Variants in SOX5 observed in about 807,000 individuals in gnomAD.
SOX5 encodes transcription factor SOX-5.
A neutral mutation model predicts 92.0 loss-of-function variants in SOX5; 9 were observed. The observed-to-expected ratio is 0.10, with a 90% CI of 0.06 to 0.17. The LOEUF (loss-of-function observed/expected upper bound fraction) is 0.17, where lower values mean the gene tolerates loss of function less well. SOX5 is among the 10% of genes least tolerant of loss of function. The pLI, the probability that SOX5 is intolerant of heterozygous loss-of-function variation, is 1.00. For missense variants in SOX5, 642 were observed against 944.5 expected (o/e 0.68, Z 4.20); for synonymous variants, 344 against 336.3 (o/e 1.02, Z -0.25).
At chr12:24,071,609 A>AT (rs1941794214) in intron 4 of SOX5, among the ~76,000 whole-genome samples, 1 of 151,702 alleles carries the variant, frequency 6.6e-6, no homozygotes, top group Non-Finnish European at 1.5e-5. Flanking sequence ...AATTTTTCAT[A>AT]GTTTTTAGTA....
chr12:23,640,840 G>A lies in SOX5; in HGVS notation c.989C>T (p.Thr330Ile). The A allele has an allele frequency of 1.2e-6, 2 of 1,613,944 alleles. No homozygotes were observed. The highest frequency in any genetic ancestry group is 1.7e-6 in the Non-Finnish European group (2 of 1,179,804). The part of the protein sequence containing the change: ...PTTMAAAAAA[T>I]PGLGPLQLQQ... Reference sequence around the variant, plus strand: ...CAGTTGGAGTGGGCCTAAGCCTGGTGTTGCTGCGGCAGCAGCTGCCATGGT... The same window carrying A: ...CAGTTGGAGTGGGCCTAAGCCTGGTATTGCTGCGGCAGCAGCTGCCATGGT... Residue 330 changes from threonine to isoleucine, a missense_variant, in exon 8 of 15, where the codon ACA becomes ATA. Coordinates refer to ENST00000451604, the MANE Select transcript of SOX5 (RefSeq NM_006940.6).
intron 3 of SOX5, among the ~76,000 whole-genome samples, chr12:23,769,558 TACAA>T (rs1468362734): frequency 1.3e-5 from 2 of 152,122 alleles, no homozygotes; most frequent in African/African-American, 4.8e-5. Flanking sequence ...TTTACTAAAT[TACAA>T]ACAGTGACCT....
rs534800084 is a variant in SOX5 at position 24,362,433 on chromosome 12, G to A, written c.-174+6130C>T. ...TACTGGTCTTGTATTTTCAGTCACC[G>A]TAACAGCCTATTTGGACTGACTTCA... On this transcript the variant is annotated intron_variant, in intron 2 of 4. Transcript: ENST00000446891. 4.3e-4 allele frequency among the ~76,000 whole-genome samples: 66 copies of A among 152,292 alleles called. No individual in the cohort carries two copies. The South Asian group carries it at 0.012, about 27-fold the overall frequency.
Position 23,970,841 on chromosome 12 carries a change from A to ATATATATATATTTTT in SOX5, c.-1-74818_-1-74817insAAAAATATATATATA. On this transcript the variant is annotated intron_variant, in intron 4 of 4. Coordinates refer to the SOX5 transcript ENST00000446891. The stretch of plus-strand genomic sequence containing the variant: ...ACATGGGACTTTATATATATATATA[A>ATATATATATATTTTT]TTTTTTTTTTTTTTTAAGAAATGGG... Among the ~76,000 whole-genome samples the ATATATATATATTTTT allele has an allele frequency of 2.3e-4, 5 of 21,882 alleles. 1 individual carries two copies. The highest frequency in any genetic ancestry group is 1.7e-3 in the East Asian group (2 of 1,156). 14.4% of individuals were successfully genotyped at this position (21,882 alleles called of 152,430 possible).
intron 4 of SOX5, among the ~76,000 whole-genome samples, chr12:24,159,984 T>A (rs1407681139): frequency 6.6e-6 from 1 of 151,898 alleles, no homozygotes; most frequent in African/African-American, 2.4e-5. Flanking sequence ...AAATTAAAGT[T>A]CAATACAAAT....
chr12:24,015,185 C>G (rs1953452643), intron 4 of SOX5, among the ~76,000 whole-genome samples: 1 of 151,976 alleles, frequency 6.6e-6, no homozygotes, highest in Admixed American at 6.6e-5. Context: ...TGTATTGTTC[C>G]TCGCAGATGG....
intron 6 of SOX5, among the ~76,000 whole-genome samples, chr12:23,695,830 A>C (rs1412042689): frequency 6.6e-6 from 1 of 151,104 alleles, no homozygotes; most frequent in Admixed American, 6.6e-5. Context: ...AGTTCCAGCT[A>C]CTCGAGAGGC....
At chr12:24,158,206 C>T (rs114902294) in intron 4 of SOX5, among the ~76,000 whole-genome samples, 119 of 151,966 alleles carry the variant, frequency 7.8e-4, no homozygotes, top group African/African-American at 2.5e-3. Flanking sequence ...GTAGAAAAGG[C>T]GGCATATCAT....
In SOX5 at chr12:23,867,962, G is replaced by C. The variant is rs565339369; in HGVS notation, c.271-21769C>G. On this transcript the variant is annotated intron_variant, in intron 2 of 14. Transcript: ENST00000451604. Reference sequence around the variant, plus strand: ...ACCTCAATCAGAAAAAAAAATTTAAGGATGTGAAGAAATGACAAAAATCAT... The same window carrying C: ...ACCTCAATCAGAAAAAAAAATTTAACGATGTGAAGAAATGACAAAAATCAT... Among the ~76,000 whole-genome samples the C allele has an allele frequency of 1.6e-3, 237 of 151,744 alleles. 1 individual carries two copies. In the Middle Eastern group the frequency reaches 0.017, roughly 11 times the overall value.
chr12:23,900,364 T>C (rs969373225), intron 1 of SOX5, among the ~76,000 whole-genome samples: 1 of 152,178 alleles, frequency 6.6e-6, no homozygotes, highest in African/African-American at 2.4e-5. Flanking sequence ...TCTTTTGCTA[T>C]TGGCTGAAGG....
At chr12:23,773,344 T>G (rs2094995416) in intron 3 of SOX5, among the ~76,000 whole-genome samples, 1 of 152,138 alleles carries the variant, frequency 6.6e-6, no homozygotes, top group African/African-American at 2.4e-5. Context: ...ATAAAACCTC[T>G]GTGCAGCCTT....
chr12:24,077,268 C>A (rs1177248795), intron 4 of SOX5, among the ~76,000 whole-genome samples: 1 of 152,138 alleles, frequency 6.6e-6, no homozygotes, highest in African/African-American at 2.4e-5. Flanking sequence ...CTTTCCCCGA[C>A]ACACCACACA....
chr12:24,465,857 G>A (rs566909978), intron 1 of SOX5, among the ~76,000 whole-genome samples: 2 of 152,196 alleles, frequency 1.3e-5, no homozygotes, highest in African/African-American at 4.8e-5. Context: ...GCTTTCGGGA[G>A]AACCTGCAAT....
At chr12:24,507,751 T>C (rs930050753) in intron 1 of SOX5, among the ~76,000 whole-genome samples, 6 of 152,154 alleles carry the variant, frequency 3.9e-5, no homozygotes, top group Non-Finnish European at 5.9e-5. Context: ...AATTGTATGG[T>C]ATCTTGAATT....
intron 2 of SOX5, among the ~76,000 whole-genome samples, chr12:24,279,350 A>T (rs781531607): frequency 6.6e-6 from 1 of 152,112 alleles, no homozygotes; most frequent in Non-Finnish European, 1.5e-5. Flanking sequence ...TAGGTGTGTG[A>T]AATTGACTAG....
intron 1 of SOX5, among the ~76,000 whole-genome samples, chr12:24,529,881 G>A (rs1300281914): frequency 2.0e-5 from 3 of 152,066 alleles, no homozygotes; most frequent in East Asian, 1.9e-4. Flanking sequence ...TTAGCTAGGC[G>A]TGGTGGCGGG....
intron 6 of SOX5, among the ~76,000 whole-genome samples, chr12:23,730,680 T>G (rs2140836669): frequency 6.6e-6 from 1 of 152,300 alleles, no homozygotes; most frequent in Non-Finnish European, 1.5e-5. Flanking sequence ...GAAATAAAAA[T>G]AGTTCATAAA....
intron 2 of SOX5, among the ~76,000 whole-genome samples, chr12:24,364,280 C>T (rs1955909769): frequency 6.6e-6 from 1 of 151,918 alleles, no homozygotes; most frequent in South Asian, 2.1e-4. Context: ...AATGTTTTTA[C>T]AATTCACATC....
intron 1 of SOX5, among the ~76,000 whole-genome samples, chr12:24,487,132 T>C (rs1055303929): frequency 1.3e-5 from 2 of 152,174 alleles, no homozygotes; most frequent in Non-Finnish European, 2.9e-5. Context: ...TGTTAAATAA[T>C]TCTAAAGAAT....
Sources: gnomAD v4.1 joint callset for allele counts (sites outside exome capture counted in the v4.1 genomes callset) on GRCh38, gnomAD v4.1.1 for gene constraint, MANE v1.5 for transcripts, NCBI Gene and HGNC (gene_info 2026-07-23, HGNC 2026-07-21) for gene names.